Variants in TMC7 observed in about 807,000 individuals in gnomAD.
TMC7 encodes the protein transmembrane channel-like protein 7.
Under a neutral mutation model 82.9 loss-of-function variants are expected in TMC7, and 54 were observed. The observed-to-expected ratio is 0.65, with a 90% confidence interval of 0.52 to 0.82. The LOEUF is 0.82. Among genes scored for constraint, TMC7 ranks in the 40% least tolerant of loss-of-function variants. The pLI, the probability that TMC7 is intolerant of heterozygous loss-of-function variation, is 0.00. For missense variants in TMC7, 820 were observed against 901.2 expected (o/e 0.91, Z 1.15); for synonymous variants, 350 against 337.9 (o/e 1.04, Z -0.39).
chr16:19,028,007 C>T (rs1054760032), intron 5 of TMC7, among the ~76,000 whole-genome samples: 1 of 152,168 alleles, frequency 6.6e-6, no homozygotes, highest in African/African-American at 2.4e-5. Flanking sequence ...TTTCTCTGTG[C>T]ACTTACATGG....
At chr16:19,008,701 A>T (rs1376618290) in intron 1 of TMC7, among the ~76,000 whole-genome samples, 1 of 152,132 alleles carries the variant, frequency 6.6e-6, no homozygotes, top group East Asian at 1.9e-4. Context: ...ACACACAGGA[A>T]ATGCTATTAT....
intron 13 of TMC7, among the ~76,000 whole-genome samples, chr16:19,052,894 G>A (rs1225300992): frequency 6.6e-6 from 1 of 152,076 alleles, no homozygotes; most frequent in Non-Finnish European, 1.5e-5. Context: ...TGTATTTTTA[G>A]TAGAGACAGG....
intron 9 of TMC7, 65 bp downstream of exon 9, chr16:19,040,511 A>G: frequency 6.9e-7 from 1 of 1,439,490 alleles, no homozygotes; most frequent in Non-Finnish European, 9.5e-7. Context: ...TCTCTTGCCC[A>G]TGGCAGACAT....
At chr16:19,048,425 T>G (rs1031946834) in intron 12 of TMC7, among the ~76,000 whole-genome samples, 12 of 152,122 alleles carry the variant, frequency 7.9e-5, no homozygotes, top group African/African-American at 2.7e-4. Flanking sequence ...TTTCTTTATT[T>G]TATTTTATTT....
rs1960711865 is a variant in TMC7 at position 19,035,676 on chromosome 16, G to A, written c.858G>A (p.Arg286=). Residue 286 remains arginine, a splice_region_variant and synonymous_variant, in exon 7 of 16, where the codon AGG becomes AGA. Coordinates refer to ENST00000304381, the MANE Select transcript of TMC7 (RefSeq NM_024847.4). The part of the protein sequence containing the change: ...LALSLLWIVK[R]SVEGFKINLI... Reference sequence around the variant, plus strand: ...AAGGATGATTGTGTTTTGGGGTCAGGTCGGTGGAAGGATTCAAAATCAACC... The same window carrying A: ...AAGGATGATTGTGTTTTGGGGTCAGATCGGTGGAAGGATTCAAAATCAACC... The A allele has an allele frequency of 1.9e-6, 3 of 1,614,050 alleles. No individual in the cohort carries two copies. Among genetic ancestry groups the A allele is most frequent in the East Asian group, 2.2e-5 (1 of 44,888 alleles).
intron 1 of TMC7, among the ~76,000 whole-genome samples, chr16:18,997,361 C>A (rs923163118): frequency 6.6e-6 from 1 of 152,122 alleles, no homozygotes; most frequent in Non-Finnish European, 1.5e-5. Context: ...CAGGTATGAG[C>A]CACCGTGCCT....
intron 1 of TMC7, among the ~76,000 whole-genome samples, chr16:18,989,922 G>C (rs2038919841): frequency 6.6e-6 from 1 of 152,086 alleles, no homozygotes; most frequent in Admixed American, 6.6e-5. Flanking sequence ...CCACCAAACA[G>C]GCTTTGTGTG....
At chr16:19,059,862 A>T (rs4238668) in intron 15 of TMC7, 67,307 of 530,418 alleles carry the variant, frequency 0.13, 4,821 homozygotes, top group South Asian at 0.19. Flanking sequence ...CTGTAATCCC[A>T]GCTACTTGGG....
intron 1 of TMC7, among the ~76,000 whole-genome samples, chr16:19,005,680 A>G (rs1476867357): frequency 6.6e-6 from 1 of 152,142 alleles, no homozygotes; most frequent in Non-Finnish European, 1.5e-5. Context: ...ATGCTGTTCT[A>G]TATTCAAAGA....
chr16:19,001,081 G>T (rs2039133491), intron 1 of TMC7, among the ~76,000 whole-genome samples: 1 of 152,152 alleles, frequency 6.6e-6, no homozygotes, highest in African/African-American at 2.4e-5. Context: ...TTCATATAGA[G>T]AAGAATAATA....
chr16:18,989,818 G>A (rs1447281829), intron 1 of TMC7, among the ~76,000 whole-genome samples: 12 of 151,822 alleles, frequency 7.9e-5, no homozygotes, highest in Admixed American at 1.3e-4. Flanking sequence ...GGGGGGAGGC[G>A]ACTCCTTTTT....
chr16:18,996,393 T>C (rs1213308411), intron 1 of TMC7, among the ~76,000 whole-genome samples: 1 of 152,132 alleles, frequency 6.6e-6, no homozygotes, highest in Non-Finnish European at 1.5e-5. Context: ...CCTCAGACCA[T>C]TTCCCATTTT....
At chr16:19,023,811 C>T (rs1356982074) in intron 5 of TMC7, among the ~76,000 whole-genome samples, 8 of 152,200 alleles carry the variant, frequency 5.3e-5, no homozygotes, top group Non-Finnish European at 1.0e-4. Context: ...AAAGAAGCTT[C>T]AGTGAAAATG....
intron 6 of TMC7, among the ~76,000 whole-genome samples, chr16:19,031,280 C>A (rs1960504940): frequency 6.6e-6 from 1 of 152,114 alleles, no homozygotes; most frequent in South Asian, 2.1e-4. Context: ...TCCACCGTTG[C>A]CATGGGGAGC....
intron 3 of TMC7, among the ~76,000 whole-genome samples, chr16:19,021,007 T>C (rs1259421367): frequency 1.3e-5 from 2 of 152,130 alleles, no homozygotes; most frequent in African/African-American, 4.8e-5. Context: ...TGTTGATGGA[T>C]CAGAAGACTT....
chr16:19,058,401 A>G (rs1309936458), intron 14 of TMC7, among the ~76,000 whole-genome samples: 2 of 136,282 alleles, frequency 1.5e-5, no homozygotes, highest in Non-Finnish European at 3.1e-5. Flanking sequence ...AAATAAATAA[A>G]ATAAATAAAA....
intron 9 of TMC7, among the ~76,000 whole-genome samples, chr16:19,042,740 TTTTTTA>T (rs1429213002): frequency 6.6e-6 from 1 of 151,222 alleles, no homozygotes; most frequent in Non-Finnish European, 1.5e-5. Context: ...TTTAATTTAT[TTTTTTA>T]TTTTTATTTT....
rs533540159 is a variant in TMC7, at chr16:19,044,119, C to T, written c.1338-765C>T. ...CTGACCTCAGGTGATCCCTCTGCCT[C>T]GGCCTCCCAAAATGCTGGGATTACA... is the stretch of plus-strand genomic sequence containing the variant. On this transcript the variant is annotated intron_variant, in intron 9 of 15. Transcript: ENST00000304381. Among the ~76,000 whole-genome samples the T allele has an allele frequency of 5.9e-5, 9 of 152,256 alleles. No homozygotes were observed. The East Asian group carries it at 1.4e-3, about 23-fold the overall frequency.
chr16:19,050,382 A>C (rs1185421426), intron 12 of TMC7, among the ~76,000 whole-genome samples: 2 of 151,490 alleles, frequency 1.3e-5, no homozygotes, highest in Admixed American at 1.3e-4. Context: ...AAAAAAAAAA[A>C]AAAAAAAAAA....
Sources: allele counts gnomAD v4.1 joint callset (sites outside exome capture counted in the v4.1 genomes callset), GRCh38; gene constraint gnomAD v4.1.1; transcripts MANE v1.5; gene names NCBI Gene and HGNC (gene_info 2026-07-23, HGNC 2026-07-21).